ZNF768: variants seen among roughly 807,000 people sequenced by gnomAD.
ZNF768 encodes zinc finger protein 768.
In ZNF768, 12 loss-of-function variants were observed where a neutral mutation model predicts 39.7. The observed-to-expected ratio is 0.30, with a 90% CI of 0.19 to 0.49. The LOEUF (loss-of-function observed/expected upper bound fraction) is 0.49, where lower values mean the gene tolerates loss of function less well. ZNF768 is among the 20% of genes least tolerant of loss of function. The pLI is 0.99. For synonymous variants in ZNF768, 360 were observed against 288.4 expected (o/e 1.25, Z -2.52); for missense variants, 613 against 723.2 (o/e 0.85, Z 1.75).
chr16:30,525,018 G>A lies in ZNF768; in HGVS notation c.1122C>T (p.Ser374=), dbSNP rs147978266. ...TATAGCACTTGCCGCACTCGGTGCAGCTGTAGGGCCGCTCGTGGCTGTGGG... is the reference window on the plus strand; with the variant it reads ...TATAGCACTTGCCGCACTCGGTGCAACTGTAGGGCCGCTCGTGGCTGTGGG... ...QRTHSHERPY[S]CTECGKCYSQ... Residue 374 remains serine (S), a synonymous_variant, in exon 2 of 2, where the codon AGC becomes AGT. Transcript: ENST00000380412. 134 of 1,613,356 alleles carry A rather than the reference G, an allele frequency of 8.3e-5. No homozygotes were observed. Among genetic ancestry groups the A allele is most frequent in the Non-Finnish European group, 1.1e-4 (125 of 1,179,826 alleles).
At chr16:30,527,164 G>A (rs1159064276), upstream of ZNF768, 1 of 985,342 alleles carries the variant, frequency 1.0e-6, no homozygotes, top group African/African-American at 1.7e-5. Context: ...CCGGGCCTCC[G>A]GGTCAGCTCC....
Position 30,524,947 on chromosome 16 carries a change from T to C in ZNF768, c.1193A>G (p.Gln398Arg). 1.9e-6 allele frequency: 3 copies of C among 1,613,488 alleles called. No homozygotes were observed. The highest frequency in any genetic ancestry group is 2.5e-6 in the Non-Finnish European group (3 of 1,179,820). ...GCAGATGCCACAGCTGAAGGGCCTC[T>C]GACCGGTGTGCACCCTCTGATGGCT... ...LRSHQRVHTG[Q>R]RPFSCGICGK... is the part of the protein sequence containing the mutation. The change falls in exon 2 of 2, where the codon CAG becomes CGG. Residue 398 changes from glutamine to arginine, a missense_variant. By Grantham distance (43) the Gln-to-Arg change is conservative. Transcript: ENST00000380412.
upstream of ZNF768, among the ~76,000 whole-genome samples, chr16:30,529,998 A>T (rs1019542790): frequency 1.3e-5 from 2 of 151,870 alleles, no homozygotes; most frequent in African/African-American, 2.4e-5. Flanking sequence ...TAATTTTTTT[A>T]AAATGTATCC....
Position 30,525,631 on chromosome 16 carries a change from AAT to A in ZNF768, c.507_508del (p.Lys169AsnfsTer48), listed in dbSNP as rs1260447503. 1 of 1,614,032 alleles carries A rather than the reference AAT, an allele frequency of 6.2e-7. No individual in the cohort carries two copies. Among genetic ancestry groups the A allele is most frequent in the African/African-American group, 1.3e-5 (1 of 74,898 alleles). ...CAGAAGCATCTCCGCACCTTCCTGGAATTTGGAACTTTGAGCTTCAAATTCTG... is the reference window on the plus strand; with the variant it reads ...CAGAAGCATCTCCGCACCTTCCTGGATTGGAACTTTGAGCTTCAAATTCTG... On this transcript the variant is annotated frameshift_variant, in exon 2 of 2. Transcript: ENST00000380412. LOFTEE classifies it high-confidence loss of function.
chr16:30,526,937 G>A (rs2051333545), upstream of ZNF768: 2 of 985,548 alleles, frequency 2.0e-6, no homozygotes, highest in Admixed American at 6.1e-5. Context: ...CACGGGGTGG[G>A]TGAGGACCGG....
chr16:30,526,723 C>CCA, upstream of ZNF768: 2 of 816,844 alleles, frequency 2.4e-6, no homozygotes, highest in Non-Finnish European at 3.0e-6. Context: ...CCGGCCCCCG[C>CCA]TCCCGCCCGA....
At chr16:30,529,486 G>A (rs2051352613), upstream of ZNF768, among the ~76,000 whole-genome samples, 2 of 152,220 alleles carry the variant, frequency 1.3e-5, no homozygotes, top group African/African-American at 4.8e-5. Flanking sequence ...CGTATGCACT[G>A]CTCCCTTCCC....
chr16:30,524,823 G>A lies in ZNF768; in HGVS notation c.1317C>T (p.Gly439=), dbSNP rs536975946. ...FKCPECGKRF[G]QSSVLAIHAR... ...CGTGGATGGCCAGCACCGAGCTCTGGCCAAAGCGCTTGCCGCACTCAGGGC... is the reference window on the plus strand; with the variant it reads ...CGTGGATGGCCAGCACCGAGCTCTGACCAAAGCGCTTGCCGCACTCAGGGC... Residue 439 remains glycine (G), a synonymous_variant, in exon 2 of 2, where the codon GGC becomes GGT. Coordinates refer to ENST00000380412, the MANE Select transcript of ZNF768 (RefSeq NM_024671.4). 7.4e-6 allele frequency: 12 copies of A among 1,610,790 alleles called. No individual in the cohort carries two copies. Among genetic ancestry groups the A allele is most frequent in the South Asian group, 3.3e-5 (3 of 91,018 alleles).
upstream of ZNF768, chr16:30,530,904 G>A (rs1395404577): frequency 6.6e-6 from 1 of 152,282 alleles, no homozygotes; most frequent in South Asian, 2.1e-4. This position sits in a 1 kb window ranked among gnomAD's most constrained non-coding sequence, Gnocchi z 4.4. Flanking sequence ...TGCCCACAAA[G>A]GAATTAGTGG....
upstream of ZNF768, chr16:30,526,982 T>G (rs2051333990): frequency 1.0e-6 from 1 of 985,154 alleles, no homozygotes; most frequent in South Asian, 4.7e-5. Flanking sequence ...CGGGGCAGTG[T>G]GTGTGCCTAT....
In ZNF768 at chr16:30,524,369, G is replaced by A. The variant is rs1433026322; in HGVS notation, c.*148C>T. 3 of 1,310,702 alleles carry A rather than the reference G, an allele frequency of 2.3e-6. No homozygotes were observed. Among genetic ancestry groups the A allele is most frequent in the Admixed American group, 5.7e-5 (2 of 35,124 alleles). The allele number at this position is 1,310,702 out of a possible 1,614,324, so 81.2% of individuals were successfully genotyped here. On this transcript the variant is annotated 3_prime_UTR_variant, in exon 2 of 2. Transcript: ENST00000380412. ...CACTTCCCACAAGTCTCCAGGGCAT[G>A]TCACTTCCTCCACCCTGGTTCTCTT...
chr16:30,524,478 T>C lies in ZNF768; in HGVS notation c.*39A>G. On this transcript the variant is annotated 3_prime_UTR_variant, in exon 2 of 2. Coordinates refer to ENST00000380412, the MANE Select transcript of ZNF768 (RefSeq NM_024671.4). The stretch of plus-strand genomic sequence containing the variant: ...GTTCCTCTAGCTCCCTGGCCCCTTA[T>C]CTTCTGCCCACACCTCCCACCCCTG... 1 of 1,571,024 alleles carries C rather than the reference T, an allele frequency of 6.4e-7. No homozygotes were observed. Among genetic ancestry groups the C allele is most frequent in the Non-Finnish European group, 8.6e-7 (1 of 1,164,480 alleles).
chr16:30,530,622 GGA>G (rs140677615), upstream of ZNF768: 3 of 152,350 alleles, frequency 2.0e-5, no homozygotes, highest in East Asian at 5.8e-4. This position sits in a 1 kb window ranked among gnomAD's most constrained non-coding sequence, Gnocchi z 4.4. Context: ...AAAAGCTGAG[GGA>G]GAGAGAGACC....
Position 30,524,995 on chromosome 16 carries a change from T to C in ZNF768, c.1145A>G (p.Tyr382Cys). 6.2e-7 allele frequency: 1 copy of C among 1,609,590 alleles called. No homozygotes were observed. Among genetic ancestry groups the C allele is most frequent in the Non-Finnish European group, 8.5e-7 (1 of 1,178,638 alleles). The change falls in exon 2 of 2, where the codon TAT (tyrosine) becomes TGT (cysteine). Residue 382 changes from tyrosine (Y) to cysteine (C), a missense_variant. Coordinates refer to ENST00000380412, the MANE Select transcript of ZNF768 (RefSeq NM_024671.4). Reference sequence around the variant, plus strand: ...GCTGCGCAGGGACGAGTTCTGGCTATAGCACTTGCCGCACTCGGTGCAGCT... The same window carrying C: ...GCTGCGCAGGGACGAGTTCTGGCTACAGCACTTGCCGCACTCGGTGCAGCT... Reference protein sequence around the residue: ...PYSCTECGKCYSQNSSLRSHQ... With the variant: ...PYSCTECGKCCSQNSSLRSHQ...
In ZNF768 at chr16:30,526,333, G is replaced by GTACC; in HGVS notation, c.77_80dup (p.Tyr27Ter). Reference sequence around the variant, plus strand: ...CGGGCGCTCCCTCCTCACCTCTGAGGTACCCTTCGGGGCTCCTCATTTCGT... The same window carrying GTACC: ...CGGGCGCTCCCTCCTCACCTCTGAGGTACCTACCCTTCGGGGCTCCTCATTTCGT... On this transcript the variant is annotated stop_gained and frameshift_variant, in exon 1 of 2. Transcript: ENST00000380412. LOFTEE classifies it high-confidence loss of function. 6.2e-7 allele frequency: 1 copy of GTACC among 1,608,998 alleles called. No individual in the cohort carries two copies.
At chr16:30,526,613 C>T (rs1023810593), upstream of ZNF768, 9 of 1,000,958 alleles carry the variant, frequency 9.0e-6, no homozygotes, top group African/African-American at 1.6e-4. Flanking sequence ...CTGCCCGCGG[C>T]CCCGCCCCCT....
rs1157338029 is a variant in ZNF768, at chr16:30,524,562, G to A, written c.1578C>T (p.Ser526=). Residue 526 remains serine, a synonymous_variant, in exon 2 of 2, where the codon TCC becomes TCT. Coordinates refer to ENST00000380412, the MANE Select transcript of ZNF768 (RefSeq NM_024671.4). ...GGGTCCGCTGGTGGCGGATGAGGTC[G>A]GAGCTCTGGGAGAAGGCCTTTCCGC... ...DDCGKAFSQS[S]DLIRHQRTHA... is the part of the protein sequence containing the mutation. 1.2e-6 allele frequency: 2 copies of A among 1,611,864 alleles called. No homozygotes were observed. Among genetic ancestry groups the A allele is most frequent in the Admixed American group, 1.7e-5 (1 of 60,018 alleles).
upstream of ZNF768, chr16:30,526,969 T>A: frequency 1.0e-6 from 1 of 985,316 alleles, no homozygotes; most frequent in African/African-American, 1.7e-5. Flanking sequence ...CCCGCGGGGC[T>A]ACCGGGGCAG....
rs1814341612 is a variant in ZNF768, at chr16:30,525,956, T to A, written c.184A>T (p.Ser62Cys). The change falls in exon 2 of 2, where the codon AGC becomes TGC. Residue 62 changes from serine to cysteine, a missense_variant. This residue lies in a region of ZNF768 where 347 missense variants were observed against 326.1 expected (regional missense o/e 1.06). Transcript: ENST00000380412. ...EEIPFGLEPQSPGFEPQSPEF... is the reference protein window; with the variant it reads ...EEIPFGLEPQCPGFEPQSPEF... ...GGGCTTTGTGGCTCAAACCCAGGGC[T>A]CTGGGGTTCAAGCCCAAATGGTATC... 6.6e-7 allele frequency: 1 copy of A among 1,511,690 alleles called. No homozygotes were observed. The highest frequency in any genetic ancestry group is 8.8e-7 in the Non-Finnish European group (1 of 1,133,044). 93.6% of individuals were successfully genotyped at this position (1,511,690 alleles called of 1,614,324 possible).
Sources: allele counts gnomAD v4.1 joint callset (sites outside exome capture counted in the v4.1 genomes callset), GRCh38; gene constraint gnomAD v4.1.1; regional missense constraint gnomAD v4.1.1; non-coding constraint Gnocchi (gnomAD v3.1); transcripts MANE v1.5; gene names NCBI Gene and HGNC (gene_info 2026-07-23, HGNC 2026-07-21).